LAMA4: variants seen among roughly 807,000 people sequenced by gnomAD.
The protein encoded by LAMA4 is laminin subunit alpha-4.
In LAMA4, 127 loss-of-function variants were observed where a neutral mutation model predicts 207.1. The ratio of observed to expected loss-of-function variants is 0.61; its 90% CI spans 0.53 to 0.71. LAMA4 has a LOEUF of 0.71. Ranked by LOEUF, LAMA4 falls within the 30% of genes least tolerant of loss-of-function variation. The pLI, the probability that LAMA4 is intolerant of heterozygous loss-of-function variation, is 0.00. For synonymous variants in LAMA4, 761 were observed against 816.0 expected, an observed-to-expected ratio of 0.93 and a Z score of 1.15; for missense variants, 2,093 against 2,246.5, an observed-to-expected ratio of 0.93 and a Z score of 1.38.
At chr6:112,124,068 G>T (rs1554326833) in intron 31 of LAMA4, among the ~76,000 whole-genome samples, 1 of 152,120 alleles carries the variant, frequency 6.6e-6, no homozygotes, top group African/African-American at 2.4e-5. Context: ...TCCCAGTGGA[G>T]TAATACACTT....
Position 112,188,365 on chromosome 6 carries a change from T to C in LAMA4, c.814+745A>G, listed in dbSNP as rs1240142428. 3.3e-5 allele frequency among the ~76,000 whole-genome samples: 5 copies of C among 152,262 alleles called. No homozygotes were observed. In the East Asian group the frequency reaches 9.7e-4, roughly 29 times the overall value. Reference sequence around the variant, plus strand: ...TTAGGACCAGGCAGGCATCTTGATGTTCTTAAATTGGCCTTGTCTAGGGGC... The same window carrying C: ...TTAGGACCAGGCAGGCATCTTGATGCTCTTAAATTGGCCTTGTCTAGGGGC... On this transcript the variant is annotated intron_variant, in intron 7 of 38. Coordinates refer to ENST00000230538, the MANE Select transcript of LAMA4 (RefSeq NM_001105206.3).
chr6:112,241,140 TATATATATGA>T (rs1389464550), intron 2 of LAMA4, among the ~76,000 whole-genome samples: 1 of 68,410 alleles, frequency 1.5e-5, no homozygotes, highest in Admixed American at 1.6e-4. Context: ...TATATAGGAA[TATATATATGA>T]ATATATATAT....
rs570783602 is a variant in LAMA4 at position 112,134,057 on chromosome 6, T to C, written c.3557+410A>G. Reference sequence around the variant, plus strand: ...TGTCTTAATGTTTCATTATACATAATACACAACCCTTTGGATAACCTTAAA... The same window carrying C: ...TGTCTTAATGTTTCATTATACATAACACACAACCCTTTGGATAACCTTAAA... On this transcript the variant is annotated intron_variant, in intron 26 of 38. Coordinates refer to ENST00000230538, the MANE Select transcript of LAMA4 (RefSeq NM_001105206.3). 7.2e-5 allele frequency among the ~76,000 whole-genome samples: 11 copies of C among 152,306 alleles called. No homozygotes were observed. The South Asian group carries it at 8.3e-4, about 11-fold the overall frequency.
At chr6:112,144,992 C>G (rs1324935931) in intron 18 of LAMA4, 59 bp from the exon 19 acceptor site, 5 of 1,420,480 alleles carry the variant, frequency 3.5e-6, no homozygotes, top group Non-Finnish European at 4.9e-6. Flanking sequence ...TTTCAAGAAT[C>G]AGATGTAGAC....
intron 2 of LAMA4, among the ~76,000 whole-genome samples, chr6:112,225,644 A>C (rs1554362180): frequency 6.6e-6 from 1 of 152,154 alleles, no homozygotes. Context: ...TTATAAACTT[A>C]CTCTCTAAAC....
chr6:112,171,677 C>CA lies in LAMA4; in HGVS notation c.1551+933dup, dbSNP rs56725081. 5.3e-3 allele frequency: 745 copies of CA among 140,494 alleles called. 5 individuals carry two copies. The highest frequency in any genetic ancestry group is 0.017 in the African/African-American group (626 of 37,660). The allele number at this position is 140,494 out of a possible 1,614,324, so 8.7% of individuals were successfully genotyped here. A position where few individuals can be genotyped will look rare whatever the true frequency, so the allele number is the denominator to read the frequency against. ...ATAAGATAATCATGCATTCATTTAGCAAAAAAAAAAAAAAAAAGTTATCCC... is the reference window on the plus strand; with the variant it reads ...ATAAGATAATCATGCATTCATTTAGCAAAAAAAAAAAAAAAAAAGTTATCCC... On this transcript the variant is annotated intron_variant, in intron 12 of 38. Transcript: ENST00000230538.
At chr6:112,159,301 C>A (rs1427450892) in intron 13 of LAMA4, 2 of 191,772 alleles carry the variant, frequency 1.0e-5, no homozygotes, top group East Asian at 1.4e-4. Context: ...TGTCTGATTT[C>A]TACTCCATTA....
intron 4 of LAMA4, among the ~76,000 whole-genome samples, chr6:112,206,613 T>C (rs1784071661): frequency 6.6e-6 from 1 of 152,214 alleles, no homozygotes; most frequent in Non-Finnish European, 1.5e-5. Context: ...TGAAAAGCCA[T>C]ATGTAGGGAA....
chr6:112,133,460 A>T lies in LAMA4; in HGVS notation c.3585T>A (p.Asp1195Glu), dbSNP rs786205410. 3.7e-6 allele frequency: 6 copies of T among 1,613,596 alleles called. No individual in the cohort carries two copies. The African/African-American group carries it at 8.0e-5, about 22-fold the overall frequency. The part of the protein sequence containing the change: ...SRALRAHLPL[D>E]INFRGCMKGF... Reference sequence around the variant, plus strand: ...CCTTCATGCATCCTCTGAAGTTGATATCTAGGGGAAGGTGTGCTCTGAGGG... The same window carrying T: ...CCTTCATGCATCCTCTGAAGTTGATTTCTAGGGGAAGGTGTGCTCTGAGGG... The change falls in exon 27 of 39, where the codon GAT becomes GAA. Residue 1195 changes from aspartate to glutamate, a missense_variant. Asp to Glu is a conservative substitution (Grantham distance 45, BLOSUM62 2). Coordinates refer to ENST00000230538, the MANE Select transcript of LAMA4 (RefSeq NM_001105206.3).
chr6:112,159,679 T>C (rs1279157752), intron 13 of LAMA4, among the ~76,000 whole-genome samples: 1 of 152,226 alleles, frequency 6.6e-6, no homozygotes, highest in Non-Finnish European at 1.5e-5. Flanking sequence ...TTTTCTTTTT[T>C]ATTTGGAGGT....
chr6:112,169,311 A>C (rs1554341079), intron 12 of LAMA4, among the ~76,000 whole-genome samples: 3 of 152,144 alleles, frequency 2.0e-5, no homozygotes, highest in Admixed American at 2.0e-4. Context: ...AGGGGAGAGG[A>C]GAACCCTGGA....
chr6:112,146,642 C>T (rs1780048790), intron 18 of LAMA4, among the ~76,000 whole-genome samples: 1 of 152,186 alleles, frequency 6.6e-6, no homozygotes, highest in Admixed American at 6.5e-5. Flanking sequence ...GCATTAGTAG[C>T]TGGGCAAGAG....
rs148769386 is a variant in LAMA4 at position 112,127,518 on chromosome 6, A to G, written c.4287+1404T>C. 6.0e-3 allele frequency among the ~76,000 whole-genome samples: 910 copies of G among 152,086 alleles called. 7 individuals are homozygous for G. Among genetic ancestry groups the G allele is most frequent in the African/African-American group, 0.021 (873 of 41,524 alleles). Reference sequence around the variant, plus strand: ...GTTGGGAGGCCAGTATGGGGAGAAGAGTGAGGGAGGTGGGCAAGTAGGAGG... The same window carrying G: ...GTTGGGAGGCCAGTATGGGGAGAAGGGTGAGGGAGGTGGGCAAGTAGGAGG... On this transcript the variant is annotated intron_variant, in intron 31 of 38. Transcript: ENST00000230538.
At chr6:112,213,772 A>G (rs1784478005) in intron 3 of LAMA4, 1 of 358,174 alleles carries the variant, frequency 2.8e-6, no homozygotes, top group South Asian at 1.3e-4. Flanking sequence ...ACTGGAATTG[A>G]GGAAGAATTA....
rs1554325750 is a variant in LAMA4 at position 112,120,371 on chromosome 6, T to C, written c.4577A>G (p.His1526Arg). The change falls in exon 33 of 39, where the codon CAT becomes CGT. Residue 1526 changes from histidine to arginine, a missense_variant. This residue lies in a region of LAMA4 where 383 missense variants were observed against 437.8 expected (regional missense o/e 0.87). Transcript: ENST00000230538. ...ENDFMTLFLA[H>R]GRLVYMFNVG... ...ATTAAACATGTAAACCAAGCGGCCATGGGCCAAAAATAGAGTCATGAAGTC... is the reference window on the plus strand; with the variant it reads ...ATTAAACATGTAAACCAAGCGGCCACGGGCCAAAAATAGAGTCATGAAGTC... The C allele has an allele frequency of 6.2e-7, 1 of 1,613,984 alleles. No homozygotes were observed. Among genetic ancestry groups the C allele is most frequent in the South Asian group, 1.1e-5 (1 of 91,082 alleles).
intron 30 of LAMA4, 58 bp downstream of exon 30, chr6:112,129,818 T>C: frequency 7.7e-7 from 1 of 1,303,544 alleles, no homozygotes; most frequent in Non-Finnish European, 1.1e-6. Flanking sequence ...ATATTTTTGC[T>C]GTTGTCTTGA....
intron 11 of LAMA4, among the ~76,000 whole-genome samples, chr6:112,174,506 T>C (rs1338667867): frequency 3.9e-5 from 6 of 152,206 alleles, no homozygotes; most frequent in African/African-American, 1.4e-4. Flanking sequence ...TTGTTTTGTT[T>C]TGTTTTGGGA....
At chr6:112,114,231 C>T (rs1471094405) in intron 37 of LAMA4, 36 bp from the exon 38 acceptor site, 2 of 1,601,518 alleles carry the variant, frequency 1.2e-6, no homozygotes, top group African/African-American at 2.8e-5. Context: ...ATAAGTGGCA[C>T]TGGAGTGATG....
chr6:112,109,656 A>T, intron 38 of LAMA4, 74 bp from the exon 39 acceptor site: 2 of 1,430,768 alleles, frequency 1.4e-6, no homozygotes, highest in African/African-American at 1.9e-5. Context: ...TCCTGGTAAA[A>T]GTATACATAT....
Sources: allele counts gnomAD v4.1 joint callset (sites outside exome capture counted in the v4.1 genomes callset), GRCh38; gene constraint gnomAD v4.1.1; regional missense constraint gnomAD v4.1.1; transcripts MANE v1.5; gene names NCBI Gene and HGNC (gene_info 2026-07-23, HGNC 2026-07-21).